PRKCA: variants seen among roughly 807,000 people sequenced by gnomAD.
PRKCA encodes protein kinase C alpha.
A neutral mutation model predicts 87.0 loss-of-function variants in PRKCA; 27 were observed. The ratio of observed to expected loss-of-function variants is 0.31; its 90% confidence interval spans 0.23 to 0.43. The LOEUF is 0.43. PRKCA is among the 20% of genes least tolerant of loss of function. The probability of loss-of-function intolerance (pLI) is 1.00; values close to 1 mark genes in which losing one functional copy is unlikely to be tolerated. For missense variants in PRKCA, 518 were observed against 852.3 expected (o/e 0.61, Z 4.88); for synonymous variants, 329 against 311.1 (o/e 1.06, Z -0.61).
chr17:66,542,973 A>C (rs1168426348), intron 3 of PRKCA, among the ~76,000 whole-genome samples: 1 of 152,208 alleles, frequency 6.6e-6, no homozygotes, highest in Admixed American at 6.5e-5. Context: ...AGTTACAGTT[A>C]AGAGTCAATT....
At chr17:66,409,376 C>T (rs1017360432) in intron 2 of PRKCA, among the ~76,000 whole-genome samples, 73 of 152,130 alleles carry the variant, frequency 4.8e-4, no homozygotes, top group African/African-American at 1.8e-3. Context: ...TCTTGGACTC[C>T]TGTGGACCAT....
At chr17:66,799,063 G>GAT (rs1323608561) in intron 16 of PRKCA, among the ~76,000 whole-genome samples, 2 of 140,658 alleles carry the variant, frequency 1.4e-5, no homozygotes, top group African/African-American at 2.6e-5. Flanking sequence ...TGGTGGTGGT[G>GAT]GTGGTGGTGG....
At chr17:66,637,524 G>A (rs374273729) in intron 3 of PRKCA, among the ~76,000 whole-genome samples, 55 of 152,264 alleles carry the variant, frequency 3.6e-4, no homozygotes, top group African/African-American at 1.1e-3. Flanking sequence ...ACTTCAGACC[G>A]TGGACCCAAC....
At position 66,699,611 on chromosome 17, in the gene PRKCA, A is replaced by G. The variant is rs1051945734; in HGVS notation, c.918+10564A>G. Among the ~76,000 whole-genome samples the G allele has an allele frequency of 5.9e-5, 9 of 152,248 alleles. No homozygotes were observed. In the South Asian group the frequency reaches 6.2e-4, roughly 10 times the overall value. ...TGCTACCAAACACTTTTTAAGAGAC[A>G]AGGTCTCGCTCTGTTGCCCAGGCTA... On this transcript the variant is annotated intron_variant, in intron 8 of 16. Transcript: ENST00000413366.
chr17:66,489,489 T>G (rs1916138605), intron 2 of PRKCA, among the ~76,000 whole-genome samples: 3 of 151,006 alleles, frequency 2.0e-5, no homozygotes, highest in Admixed American at 2.0e-4. Flanking sequence ...ATCTCAGTAG[T>G]TTGGCAGGAA....
intron 2 of PRKCA, among the ~76,000 whole-genome samples, chr17:66,471,535 G>A (rs1029906042): frequency 6.6e-6 from 1 of 152,150 alleles, no homozygotes; most frequent in Admixed American, 6.5e-5. Flanking sequence ...TCATCACTGA[G>A]CAGAACTGCA....
At chr17:66,625,343 A>G (rs530908585) in intron 3 of PRKCA, among the ~76,000 whole-genome samples, 2 of 152,232 alleles carry the variant, frequency 1.3e-5, no homozygotes, top group Admixed American at 6.5e-5. Context: ...TGAACACTGT[A>G]AAACACAAAT....
At chr17:66,744,610 G>A (rs1974233001) in intron 13 of PRKCA, among the ~76,000 whole-genome samples, 1 of 152,188 alleles carries the variant, frequency 6.6e-6, no homozygotes, top group African/African-American at 2.4e-5. Context: ...TATCATTAAG[G>A]TTTGTCCATT....
At chr17:66,713,639 G>A (rs1024272402) in intron 8 of PRKCA, among the ~76,000 whole-genome samples, 4 of 152,166 alleles carry the variant, frequency 2.6e-5, no homozygotes, top group Admixed American at 6.5e-5. Flanking sequence ...AATGTCACCC[G>A]CATGTTGGAA....
At chr17:66,715,642 GTAGTTCCGTTGGCACTCTA>G (rs1480218597) in intron 8 of PRKCA, among the ~76,000 whole-genome samples, 2 of 152,202 alleles carry the variant, frequency 1.3e-5, no homozygotes, top group African/African-American at 4.8e-5. Flanking sequence ...TTTGGCATCT[GTAGTTCCGTTGGCACTCTA>G]TAGTTCCGTT....
intron 2 of PRKCA, among the ~76,000 whole-genome samples, chr17:66,472,950 G>A (rs1257533205): frequency 1.3e-5 from 2 of 152,120 alleles, no homozygotes; most frequent in Non-Finnish European, 2.9e-5. Flanking sequence ...CCTTAAGCAT[G>A]GCTTGTTGTC....
intron 3 of PRKCA, among the ~76,000 whole-genome samples, chr17:66,523,089 G>A (rs1200537484): frequency 6.6e-6 from 1 of 152,156 alleles, no homozygotes; most frequent in East Asian, 1.9e-4. Flanking sequence ...ACTCTCTGAA[G>A]TGTGTGTGGC....
chr17:66,452,369 C>A (rs758742317), intron 2 of PRKCA, among the ~76,000 whole-genome samples: 2 of 152,100 alleles, frequency 1.3e-5, no homozygotes, highest in East Asian at 3.9e-4. Flanking sequence ...GTGGTCCCTT[C>A]GGGAAAGGAT....
chr17:66,712,267 G>C (rs924708541), intron 8 of PRKCA, among the ~76,000 whole-genome samples: 31 of 152,170 alleles, frequency 2.0e-4, no homozygotes, highest in African/African-American at 7.0e-4. Flanking sequence ...TACTTCAGAG[G>C]AACACCTCCA....
intron 2 of PRKCA, among the ~76,000 whole-genome samples, chr17:66,361,251 A>G (rs901379231): frequency 6.6e-6 from 1 of 151,980 alleles, no homozygotes; most frequent in Non-Finnish European, 1.5e-5. Context: ...CGGTCTTGAC[A>G]CTGCACGTAC....
chr17:66,584,371 G>A (rs189632520), intron 3 of PRKCA, among the ~76,000 whole-genome samples: 272 of 152,010 alleles, frequency 1.8e-3, no homozygotes, highest in African/African-American at 6.0e-3. Flanking sequence ...AGAGGTGCCC[G>A]CCACCATGCC....
At chr17:66,468,330 A>T (rs1915177093) in intron 2 of PRKCA, among the ~76,000 whole-genome samples, 2 of 152,202 alleles carry the variant, frequency 1.3e-5, no homozygotes, top group Non-Finnish European at 2.9e-5. Context: ...TGTCTCTGTC[A>T]CTGAGGACTC....
chr17:66,384,969 G>A (rs1478127043), intron 2 of PRKCA, among the ~76,000 whole-genome samples: 1 of 152,214 alleles, frequency 6.6e-6, no homozygotes, highest in Non-Finnish European at 1.5e-5. Flanking sequence ...AAATGCCTGA[G>A]CAGGGGTTTT....
intron 8 of PRKCA, among the ~76,000 whole-genome samples, chr17:66,720,383 A>G (rs1416880753): frequency 6.6e-6 from 1 of 152,260 alleles, no homozygotes; most frequent in Non-Finnish European, 1.5e-5. Context: ...ATGCCCATTA[A>G]GTAGCATCAT....
Sources: allele counts gnomAD v4.1 joint callset (sites outside exome capture counted in the v4.1 genomes callset), GRCh38; gene constraint gnomAD v4.1.1; transcripts MANE v1.5; gene names NCBI Gene and HGNC (gene_info 2026-07-23, HGNC 2026-07-21).